MUC4: variants seen among roughly 807,000 people sequenced by gnomAD.
The protein encoded by MUC4 is mucin-4.
In MUC4, 202 loss-of-function variants were observed where a neutral mutation model predicts 257.9. The ratio of observed to expected loss-of-function variants is 0.78; its 90% CI spans 0.70 to 0.88. MUC4 has a LOEUF of 0.88. MUC4 is among the 40% of genes least tolerant of loss of function. MUC4 has a pLI of 0.00. For missense variants in MUC4, 5,976 were observed against 6,513.7 expected, an observed-to-expected ratio of 0.92 and a Z score of 2.84; for synonymous variants, 2,351 against 2,757.1, an observed-to-expected ratio of 0.85 and a Z score of 4.62.
intron 18 of MUC4, among the ~76,000 whole-genome samples, chr3:195,754,863 A>G (rs1264843382): frequency 7.0e-6 from 1 of 142,960 alleles, no homozygotes. Context: ...CCATGTAGAT[A>G]TGTATCAATG....
rs1008105190 is a variant in MUC4, at chr3:195,761,526, G to T, written c.14572C>A (p.Pro4858Thr). 7 of 1,614,162 alleles carry T rather than the reference G, an allele frequency of 4.3e-6. No homozygotes were observed. Among genetic ancestry groups the T allele is most frequent in the Non-Finnish European group, 5.1e-6 (6 of 1,179,996 alleles). ...AAAAGCATCTCCTCAGGGCTCCCTG[G>T]GGGAATGGTGGAGCCATTGGGCATC... ...FRMPNGSTIP[P>T]GSPEEMLFHF... is the part of the protein sequence containing the mutation. Residue 4858 changes from proline to threonine, a missense_variant, in exon 15 of 25, where the codon CCA becomes ACA. Pro to Thr is a conservative substitution (Grantham distance 38). This residue lies in a region of MUC4 where 996 missense variants were observed against 1,137.3 expected (regional missense o/e 0.88). Transcript: ENST00000463781.
chr3:195,782,892 A>C lies in MUC4; in HGVS notation c.8688T>G (p.Pro2896=), dbSNP rs201162512. The C allele has an allele frequency of 1.3e-6, 2 of 1,525,964 alleles. No homozygotes were observed. Among genetic ancestry groups the C allele is most frequent in the African/African-American group, 2.9e-5 (2 of 69,824 alleles). 94.5% of individuals were successfully genotyped at this position (1,525,964 alleles called of 1,614,324 possible). Reference sequence around the variant, plus strand: ...CTGAGGAAAGGCTGGTGAGAGGAAGAGGGGTAGCGTGACCTGTGGACACTG... The same window carrying C: ...CTGAGGAAAGGCTGGTGAGAGGAAGCGGGGTAGCGTGACCTGTGGACACTG... The part of the protein sequence containing the change: ...ASSVSTGHAT[P]LPLTSLSSVS... The change falls in exon 2 of 25, where the codon CCT becomes CCG. Residue 2896 remains proline (P), a synonymous_variant. Transcript: ENST00000463781.
chr3:195,790,133 G>A lies in MUC4; in HGVS notation c.1447C>T (p.His483Tyr). ...GAGGAAGGCCATGTTGTTGTTTCATGTAGAGTAAATATTTCTTGAGACACA... is the reference window on the plus strand; with the variant it reads ...GAGGAAGGCCATGTTGTTGTTTCATATAGAGTAAATATTTCTTGAGACACA... ...PGVSQEIFTL[H>Y]ETTTWPSSFS... The change falls in exon 2 of 25, where the codon CAT (histidine) becomes TAT (tyrosine). Residue 483 changes from histidine to tyrosine, a missense_variant. Coordinates refer to ENST00000463781, the MANE Select transcript of MUC4 (RefSeq NM_018406.7). The A allele has an allele frequency of 6.2e-7, 1 of 1,614,010 alleles. No individual in the cohort carries two copies. Among genetic ancestry groups the A allele is most frequent in the South Asian group, 1.1e-5 (1 of 91,080 alleles).
In MUC4 at chr3:195,788,987, A is replaced by C; in HGVS notation, c.2593T>G (p.Ser865Ala). 1 of 1,613,762 alleles carries C rather than the reference A, an allele frequency of 6.2e-7. No individual in the cohort carries two copies. The highest frequency in any genetic ancestry group is 8.5e-7 in the Non-Finnish European group (1 of 1,179,814). ...TGAAAGGTGCCGGGGACGATCGAAG[A>C]CGCCATTCCTGTGCTTACTGGGATG... ...GAIPVSTGMA[S>A]SIVPGTFHPT... The change falls in exon 2 of 25, where the codon TCT becomes GCT. Residue 865 changes from serine to alanine, a missense_variant. This residue lies in a region of MUC4 where 1,583 missense variants were observed against 1,257.4 expected (regional missense o/e 1.26). Transcript: ENST00000463781.
At position 195,746,956 on chromosome 3, in the gene MUC4, G is replaced by A. The variant is rs1371662949; in HGVS notation, c.*220C>T. The stretch of plus-strand genomic sequence containing the variant: ...TCCTTCTGTGGGTGTGTCTGCGTGA[G>A]GACCCATCCATGCATGTTTGATCTT... On this transcript the variant is annotated 3_prime_UTR_variant, in exon 25 of 25. Coordinates refer to ENST00000463781, the MANE Select transcript of MUC4 (RefSeq NM_018406.7). 8 of 663,482 alleles carry A rather than the reference G, an allele frequency of 1.2e-5. No homozygotes were observed. The East Asian group carries it at 2.2e-4, about 18-fold the overall frequency. 41.1% of individuals were successfully genotyped at this position (663,482 alleles called of 1,614,324 possible). A position where few individuals can be genotyped will look rare whatever the true frequency, so the allele number is the denominator to read the frequency against.
rs979487291 is a variant in MUC4 at position 195,778,438 on chromosome 3, G to A, written c.12808C>T (p.Leu4270=). Residue 4270 remains leucine, a synonymous_variant, in exon 3 of 25, where the codon CTG becomes TTG. Transcript: ENST00000463781. ...METPGMTTPS[L]KTDGGRRTAT... is the part of the protein sequence containing the mutation. ...GTGCGTCTCCCACCGTCTGTCTTCA[G>A]TGACGGTGTTGTCATTCCTGGACAC... 3 of 1,612,784 alleles carry A rather than the reference G, an allele frequency of 1.9e-6. No individual in the cohort carries two copies. The highest frequency in any genetic ancestry group is 2.5e-6 in the Non-Finnish European group (3 of 1,179,806).
In MUC4 at chr3:195,759,235, CA is replaced by C. The variant is rs1718283098; in HGVS notation, c.14874del (p.Gly4959ValfsTer3). 1.9e-6 allele frequency: 3 copies of C among 1,614,068 alleles called. No individual in the cohort carries two copies. The highest frequency in any genetic ancestry group is 2.5e-6 in the Non-Finnish European group (3 of 1,180,002). On this transcript the variant is annotated frameshift_variant, in exon 17 of 25. Coordinates refer to ENST00000463781, the MANE Select transcript of MUC4 (RefSeq NM_018406.7). LOFTEE classifies it high-confidence loss of function. ...CCCTTGTAGGCTTCAATCACACGAC[CA>C]CCATTGATGGAGGGCGGGTACTGAT... ...TLNQYPPSIN[G>X]GRVIEAYKGQ...
In MUC4 at chr3:195,779,197, G is replaced by T; in HGVS notation, c.12383C>A (p.Pro4128His). ...TSSASTGQAT[P>H]LPVTSLSSVS... ...TGAGGAAAGGCTGGTGACAGGAAGA[G>T]GGGTGGCCTGACCTGTGGATGCAGA... The change falls in exon 2 of 25, where the codon CCT (proline) becomes CAT (histidine). Residue 4128 changes from proline to histidine, a missense_variant. Physicochemically the swap from Pro to His is moderately conservative, Grantham distance 77. Coordinates refer to ENST00000463781, the MANE Select transcript of MUC4 (RefSeq NM_018406.7). The T allele has an allele frequency of 7.3e-7, 1 of 1,362,324 alleles. No individual in the cohort carries two copies. The highest frequency in any genetic ancestry group is 2.6e-5 in the East Asian group (1 of 39,126). 84.4% of individuals were successfully genotyped at this position (1,362,324 alleles called of 1,614,324 possible).
At position 195,765,442 on chromosome 3, in the gene MUC4, T is replaced by C. The variant is rs759945889; in HGVS notation, c.13626A>G (p.Gln4542=). The change falls in exon 9 of 25, where the codon CAA becomes CAG. Residue 4542 remains glutamine, a synonymous_variant. Coordinates refer to ENST00000463781, the MANE Select transcript of MUC4 (RefSeq NM_018406.7). The stretch of plus-strand genomic sequence containing the variant: ...GGTGTAGCCTGTAGAACTGCAGCCC[T>C]TGGAGGCCTGAGGTCGGGGATGGGG... ...DRFLNSNSGL[Q]GLQFYRLHRE... 1 of 1,611,960 alleles carries C rather than the reference T, an allele frequency of 6.2e-7. No individual in the cohort carries two copies. The highest frequency in any genetic ancestry group is 1.1e-5 in the South Asian group (1 of 90,978).
rs76047032 is a variant in MUC4 at position 195,786,398 on chromosome 3, G to T, written c.5182C>A (p.Pro1728Thr). ...LSSVSTGDTT[P>T]LPVTSPSSAS... ...GAGGAAGGGCTAGTGACAGGAAGAG[G>T]CGTGGTGTCACCTGTGGATACTGAG... is the stretch of plus-strand genomic sequence containing the variant. Residue 1728 changes from proline (P) to threonine (T), a missense_variant, in exon 2 of 25, where the codon CCT (proline) becomes ACT (threonine). Pro to Thr is a conservative substitution (Grantham distance 38, BLOSUM62 -1). Around this residue, in one of 44 missense-constraint regions of MUC4, gnomAD observed 138 missense variants for 107.8 expected, o/e 1.28. Coordinates refer to ENST00000463781, the MANE Select transcript of MUC4 (RefSeq NM_018406.7). The T allele has an allele frequency of 5.9e-6, 9 of 1,532,916 alleles. 1 individual carries two copies. The highest frequency in any genetic ancestry group is 1.2e-5 in the South Asian group (1 of 83,124). 95.0% of individuals were successfully genotyped at this position (1,532,916 alleles called of 1,614,324 possible).
Position 195,786,305 on chromosome 3 carries a change from T to A in MUC4, c.5275A>T (p.Thr1759Ser), listed in dbSNP as rs1374413319. 4.0e-6 allele frequency: 6 copies of A among 1,515,982 alleles called. No individual in the cohort carries two copies. In the South Asian group the frequency reaches 7.3e-5, roughly 18 times the overall value. 93.9% of individuals were successfully genotyped at this position (1,515,982 alleles called of 1,614,324 possible). Residue 1759 changes from threonine to serine, a missense_variant, in exon 2 of 25, where the codon ACC (threonine) becomes TCC (serine). Thr to Ser is a moderately conservative substitution (Grantham distance 58). This residue lies in a region of MUC4 where 138 missense variants were observed against 107.8 expected (regional missense o/e 1.28). Coordinates refer to ENST00000463781, the MANE Select transcript of MUC4 (RefSeq NM_018406.7). ...GAAGTGTCGGTGACAGGAAGAGGGG[T>A]GGCCTGACCTGTGGATGCTGAGGAA... Reference protein sequence around the residue: ...DASSASTGQATPLPVTDTSSV... With the variant: ...DASSASTGQASPLPVTDTSSV...
chr3:195,763,625 G>T lies in MUC4; in HGVS notation c.14061C>A (p.Asp4687Glu). The T allele has an allele frequency of 1.3e-6, 2 of 1,542,134 alleles. No individual in the cohort carries two copies. The highest frequency in any genetic ancestry group is 1.8e-6 in the Non-Finnish European group (2 of 1,137,602). The change falls in exon 12 of 25, where the codon GAC becomes GAA. Residue 4687 changes from aspartate (D) to glutamate (E), a missense_variant. By Grantham distance (45) the Asp-to-Glu change is conservative (BLOSUM62 2). Coordinates refer to ENST00000463781, the MANE Select transcript of MUC4 (RefSeq NM_018406.7). ...CACCATCCAAGGTGGTGATGTGGGG[G>T]TCCCCGAACATCCAGGCTGGAAGGA... ...RPPQPAWMFG[D>E]PHITTLDGVS...
chr3:195,771,113 C>T (rs7641874), intron 5 of MUC4, among the ~76,000 whole-genome samples: 859 of 97,008 alleles, frequency 8.9e-3, no homozygotes, highest in Middle Eastern at 0.062. Flanking sequence ...AGTCTCGTGG[C>T]CGGGTTGGGG....
Position 195,754,270 on chromosome 3 carries a change from C to G in MUC4, c.15271G>C (p.Gly5091Arg). 6.2e-7 allele frequency: 1 copy of G among 1,614,024 alleles called. No individual in the cohort carries two copies. The highest frequency in any genetic ancestry group is 8.5e-7 in the Non-Finnish European group (1 of 1,179,996). The change falls in exon 19 of 25, where the codon GGG (glycine) becomes CGG (arginine). Residue 5091 changes from glycine to arginine, a missense_variant. Coordinates refer to ENST00000463781, the MANE Select transcript of MUC4 (RefSeq NM_018406.7). ...PCFPSVHCVP[G>R]KGCEACPPNL... ...GGAGGGCAGGCCTCGCAGCCCTTCC[C>G]AGGAACGCAGTGGACACTCGGGAAG...
In MUC4 at chr3:195,784,475, G is replaced by T. The variant is rs1578330014; in HGVS notation, c.7105C>A (p.Leu2369Ile). Residue 2369 changes from leucine (L) to isoleucine (I), a missense_variant, in exon 2 of 25, where the codon CTT becomes ATT. Leu to Ile is a conservative substitution (Grantham distance 5). Coordinates refer to ENST00000463781, the MANE Select transcript of MUC4 (RefSeq NM_018406.7). ...GCTGAGGAAGAGCTGGTGACAGGAA[G>T]AGGGGTGGTGTCACCTGTGGATACT... Reference protein sequence around the residue: ...SSVSTGDTTPLPVTSSSSASS... With the variant: ...SSVSTGDTTPIPVTSSSSASS... 6.5e-7 allele frequency: 1 copy of T among 1,541,706 alleles called. No homozygotes were observed. Among genetic ancestry groups the T allele is most frequent in the African/African-American group, 1.4e-5 (1 of 70,642 alleles).
chr3:195,750,219 G>A (rs1215490625), intron 23 of MUC4: 1 of 153,402 alleles, frequency 6.5e-6, no homozygotes, highest in Non-Finnish European at 1.4e-5. Context: ...CCTGTTCCAG[G>A]AAAACCGGGG....
At chr3:195,770,514 T>A in intron 5 of MUC4, 143 bp from the exon 6 acceptor site, 1 of 879,380 alleles carries the variant, frequency 1.1e-6, no homozygotes, top group Non-Finnish European at 1.8e-6. Flanking sequence ...ATTTTTGCCG[T>A]GAGCTTTTCT....
intron 7 of MUC4, among the ~76,000 whole-genome samples, chr3:195,767,739 TCACCATCGCCACCACCACCATCACCAC>T (rs1721500047): frequency 3.2e-4 from 1 of 3,142 alleles, no homozygotes; most frequent in Non-Finnish European, 6.7e-4. Flanking sequence ...ACCACCACCA[TCACCATCGCCACCACCACCATCACCAC>T]CACCACCACC....
In MUC4 at chr3:195,757,245, C is replaced by T; in HGVS notation, c.15070G>A (p.Ala5024Thr). Residue 5024 changes from alanine to threonine, a missense_variant, in exon 18 of 25, where the codon GCA becomes ACA. Ala to Thr is a moderately conservative substitution (Grantham distance 58). Transcript: ENST00000463781. This position sits in a 1 kb window ranked among gnomAD's most constrained non-coding sequence, Gnocchi z 4.8. ...ACAGTCCTGGGCTGGAGTGCAGATG[C>T]CAAGCCAATCTTGGCACTTCTTGCT... Reference protein sequence around the residue: ...ILARSAKIGLASALQPRTVVC... With the variant: ...ILARSAKIGLTSALQPRTVVC... 1 of 1,613,594 alleles carries T rather than the reference C, an allele frequency of 6.2e-7. No individual in the cohort carries two copies. The highest frequency in any genetic ancestry group is 8.5e-7 in the Non-Finnish European group (1 of 1,179,522).
Sources: allele counts gnomAD v4.1 joint callset (sites outside exome capture counted in the v4.1 genomes callset), GRCh38; gene constraint gnomAD v4.1.1; regional missense constraint gnomAD v4.1.1; non-coding constraint Gnocchi (gnomAD v3.1); transcripts MANE v1.5; gene names NCBI Gene and HGNC (gene_info 2026-07-23, HGNC 2026-07-21).